Variants in ABL1 observed in about 807,000 individuals in gnomAD.
The protein encoded by ABL1 is ABL proto-oncogene 1, non-receptor tyrosine kinase.
A neutral mutation model predicts 94.7 loss-of-function variants in ABL1; 11 were observed. The observed-to-expected ratio is 0.12, with a 90% confidence interval of 0.07 to 0.19. The LOEUF is 0.19. ABL1 is among the 10% of genes least tolerant of loss of function. The pLI, the probability that ABL1 is intolerant of heterozygous loss-of-function variation, is 1.00. For missense variants in ABL1, 1,082 were observed against 1,489.4 expected, an observed-to-expected ratio of 0.73 and a Z score of 4.50; for synonymous variants, 656 against 622.4, an observed-to-expected ratio of 1.05 and a Z score of -0.80.
intron 1 of ABL1, among the ~76,000 whole-genome samples, chr9:130,810,547 A>T (rs532410601): frequency 6.6e-6 from 1 of 152,218 alleles, no homozygotes; most frequent in South Asian, 2.1e-4. Context: ...CTGTCAGAAT[A>T]AACATTGCAC....
At chr9:130,739,915 C>G (rs1190630286) in intron 1 of ABL1, among the ~76,000 whole-genome samples, 2 of 151,976 alleles carry the variant, frequency 1.3e-5, no homozygotes, top group Non-Finnish European at 2.9e-5. Context: ...TAAAAAATAA[C>G]AATAAAAAAT....
chr9:130,861,300 G>A (rs1831066872), intron 3 of ABL1, among the ~76,000 whole-genome samples: 2 of 152,176 alleles, frequency 1.3e-5, no homozygotes. Flanking sequence ...CAAAATGTGT[G>A]CCTTTGGCTT....
At chr9:130,802,758 G>A (rs1219288643) in intron 1 of ABL1, among the ~76,000 whole-genome samples, 4 of 152,140 alleles carry the variant, frequency 2.6e-5, no homozygotes, top group African/African-American at 9.7e-5. Context: ...TTTGTATGGT[G>A]GGTAGTTCTG....
At chr9:130,742,023 T>C (rs1831826551) in intron 1 of ABL1, among the ~76,000 whole-genome samples, 1 of 151,960 alleles carries the variant, frequency 6.6e-6, no homozygotes, top group African/African-American at 2.4e-5. Flanking sequence ...TACAGAGCAG[T>C]TGGGAAGAGA....
chr9:130,728,542 C>T (rs1002762672), intron 1 of ABL1, among the ~76,000 whole-genome samples: 3 of 151,658 alleles, frequency 2.0e-5, no homozygotes, highest in South Asian at 2.1e-4. Flanking sequence ...CCTGCCACCA[C>T]GCCCGGCTAA....
chr9:130,866,344 TA>T (rs924060073), intron 4 of ABL1, among the ~76,000 whole-genome samples: 17 of 151,636 alleles, frequency 1.1e-4, no homozygotes, highest in African/African-American at 2.9e-4. Context: ...TTATGCCTTT[TA>T]AAAAAAAATC....
At chr9:130,773,656 TA>T (rs1832279599) in intron 1 of ABL1, among the ~76,000 whole-genome samples, 1 of 148,528 alleles carries the variant, frequency 6.7e-6, no homozygotes. Context: ...TTTCATTTTG[TA>T]GAGATGGGGT....
intron 1 of ABL1, among the ~76,000 whole-genome samples, chr9:130,731,151 C>T (rs1312695757): frequency 6.6e-6 from 1 of 151,154 alleles, no homozygotes; most frequent in African/African-American, 2.4e-5. Context: ...GGATTACAGG[C>T]GCCCACCACC....
At chr9:130,730,827 C>T (rs1370623117) in intron 1 of ABL1, among the ~76,000 whole-genome samples, 3 of 151,920 alleles carry the variant, frequency 2.0e-5, no homozygotes, top group Non-Finnish European at 2.9e-5. Flanking sequence ...CCACCTCGGC[C>T]TTCCAAAGTG....
At chr9:130,829,634 CTA>C (rs899794767) in intron 1 of ABL1, among the ~76,000 whole-genome samples, 7 of 150,264 alleles carry the variant, frequency 4.7e-5, no homozygotes, top group African/African-American at 1.7e-4. Flanking sequence ...AAAAATATCA[CTA>C]GATGTTTGAC....
intron 1 of ABL1, among the ~76,000 whole-genome samples, chr9:130,757,936 G>A (rs1469587912): frequency 6.6e-6 from 1 of 152,120 alleles, no homozygotes; most frequent in Admixed American, 6.5e-5. Flanking sequence ...AGAAAGTGAG[G>A]AAGCAATGGC....
chr9:130,808,555 A>G (rs796212901), intron 1 of ABL1, among the ~76,000 whole-genome samples: 3 of 152,050 alleles, frequency 2.0e-5, no homozygotes, highest in African/African-American at 7.2e-5. Flanking sequence ...TTTTATCCCA[A>G]TTTCAAGATG....
intron 1 of ABL1, among the ~76,000 whole-genome samples, chr9:130,739,983 G>A (rs969541381): frequency 6.6e-6 from 1 of 152,128 alleles, no homozygotes; most frequent in East Asian, 1.9e-4. Flanking sequence ...TCCTTTAATT[G>A]AATCAAAGTT....
rs1588282937 is a variant in ABL1 at position 130,884,222 on chromosome 9, G to A, written c.1932G>A (p.Gly644=). 1 of 1,607,978 alleles carries A rather than the reference G, an allele frequency of 6.2e-7. No individual in the cohort carries two copies. Among genetic ancestry groups the A allele is most frequent in the Non-Finnish European group, 8.5e-7 (1 of 1,177,806 alleles). Residue 644 remains glycine, a synonymous_variant, in exon 11 of 11, where the codon GGG becomes GGA. Coordinates refer to ENST00000318560, the MANE Select transcript of ABL1 (RefSeq NM_005157.6). This position sits in a 1 kb window ranked among gnomAD's most constrained non-coding sequence, Gnocchi z 5.6. Reference sequence around the variant, plus strand: ...AAGAGGGCCGAGACATCAGCAACGGGGCACTGGCTTTCACCCCCTTGGACA... The same window carrying A: ...AAGAGGGCCGAGACATCAGCAACGGAGCACTGGCTTTCACCCCCTTGGACA... The part of the protein sequence containing the change: ...GEEEGRDISN[G]ALAFTPLDTA...
At chr9:130,807,671 T>C (rs1015915374) in intron 1 of ABL1, among the ~76,000 whole-genome samples, 5 of 8,132 alleles carry the variant, frequency 6.1e-4, no homozygotes, top group Non-Finnish European at 1.2e-3. Flanking sequence ...CTTAATTTTA[T>C]ATATATATAT....
intron 1 of ABL1, among the ~76,000 whole-genome samples, chr9:130,781,911 TCA>T (rs1287108101): frequency 4.6e-5 from 7 of 152,170 alleles, no homozygotes; most frequent in African/African-American, 1.4e-4. Context: ...GAATACATAT[TCA>T]GTTATGACTT....
chr9:130,739,086 G>A (rs1327507024), intron 1 of ABL1, among the ~76,000 whole-genome samples: 1 of 152,138 alleles, frequency 6.6e-6, no homozygotes, highest in Non-Finnish European at 1.5e-5. Context: ...TAGAGACGTG[G>A]TTTCACTATG....
intron 1 of ABL1, among the ~76,000 whole-genome samples, chr9:130,787,520 C>T (rs1325891089): frequency 6.6e-6 from 1 of 152,106 alleles, no homozygotes; most frequent in African/African-American, 2.4e-5. Flanking sequence ...GCCTGGGTCC[C>T]GGGGACAGGG....
intron 1 of ABL1, among the ~76,000 whole-genome samples, chr9:130,811,555 C>T (rs1830207768): frequency 6.6e-6 from 1 of 151,922 alleles, no homozygotes; most frequent in South Asian, 2.1e-4. Flanking sequence ...TGTATAATGT[C>T]AATTGAAGGT....
Sources: allele counts gnomAD v4.1 joint callset (sites outside exome capture counted in the v4.1 genomes callset), GRCh38; gene constraint gnomAD v4.1.1; non-coding constraint Gnocchi (gnomAD v3.1); transcripts MANE v1.5; gene names NCBI Gene and HGNC (gene_info 2026-07-23, HGNC 2026-07-21).